Variants in DISC1 observed in about 807,000 individuals in gnomAD.
The protein encoded by DISC1 is disrupted in schizophrenia 1 protein.
In DISC1, 57 loss-of-function variants were observed where a neutral mutation model predicts 84.5. That is an observed-to-expected ratio of 0.67 (90% CI 0.55 to 0.84). The LOEUF (loss-of-function observed/expected upper bound fraction) is 0.84. Among genes scored for constraint, DISC1 ranks in the 40% least tolerant of loss-of-function variants. The pLI is 0.00. For missense variants in DISC1, 1,000 were observed against 1,057.8 expected, an observed-to-expected ratio of 0.95 and a Z score of 0.76; for synonymous variants, 411 against 415.2, an observed-to-expected ratio of 0.99 and a Z score of 0.12.
intron 1 of DISC1, among the ~76,000 whole-genome samples, chr1:231,688,530 C>T (rs1249520251): frequency 6.6e-6 from 1 of 152,196 alleles, no homozygotes; most frequent in African/African-American, 2.4e-5. Context: ...ACCCTTCTTC[C>T]CTTTAATCCG....
intron 9 of DISC1, among the ~76,000 whole-genome samples, chr1:231,930,667 C>G (rs895963097): frequency 6.6e-6 from 1 of 152,088 alleles, no homozygotes; most frequent in African/African-American, 2.4e-5. Flanking sequence ...TTATCTATGA[C>G]TTCATATTCC....
chr1:231,791,466 A>G (rs2078347095), intron 6 of DISC1, among the ~76,000 whole-genome samples: 2 of 152,154 alleles, frequency 1.3e-5, no homozygotes, highest in East Asian at 3.8e-4. Context: ...TACTTCATAG[A>G]GTTATAATAA....
intron 7 of DISC1, among the ~76,000 whole-genome samples, chr1:231,799,199 T>C (rs762476467): frequency 6.6e-6 from 1 of 152,170 alleles, no homozygotes; most frequent in Non-Finnish European, 1.5e-5. Flanking sequence ...TGGAATGTCA[T>C]GGGAAAATAC....
intron 1 of DISC1, among the ~76,000 whole-genome samples, chr1:231,636,555 C>G (rs1402978270): frequency 2.0e-5 from 3 of 152,124 alleles, no homozygotes; most frequent in African/African-American, 7.2e-5. Flanking sequence ...TTTCTTGACT[C>G]TGATTTGGGA....
intron 10 of DISC1, among the ~76,000 whole-genome samples, chr1:231,975,276 T>C (rs960095480): frequency 6.6e-6 from 1 of 152,194 alleles, no homozygotes; most frequent in South Asian, 2.1e-4. Flanking sequence ...GATATCATTG[T>C]ACCCCAGTCA....
intron 5 of DISC1, among the ~76,000 whole-genome samples, chr1:231,769,689 A>G (rs1238359172): frequency 1.3e-5 from 2 of 152,202 alleles, no homozygotes; most frequent in African/African-American, 4.8e-5. Flanking sequence ...GATGGATGGC[A>G]GTGATGGTTG....
chr1:231,750,728 C>G (rs1316620230), intron 4 of DISC1: 3 of 269,914 alleles, frequency 1.1e-5, no homozygotes, highest in African/African-American at 2.3e-5. Flanking sequence ...CTTAAAAAGG[C>G]TGAGAACCAC....
chr1:231,724,290 G>A (rs905686642), intron 3 of DISC1, among the ~76,000 whole-genome samples: 1 of 152,176 alleles, frequency 6.6e-6, no homozygotes, highest in African/African-American at 2.4e-5. Flanking sequence ...AAACAGCGGG[G>A]CTCTAGAAGA....
chr1:232,041,219 T>C lies in DISC1; in HGVS notation c.*4388T>C, dbSNP rs1010081286. 4.6e-5 allele frequency: 7 copies of C among 152,230 alleles called. No homozygotes were observed. The highest frequency in any genetic ancestry group is 3.9e-4 in the Admixed American group (6 of 15,280). The allele number at this position is 152,230 out of a possible 1,614,324, so 9.4% of individuals were successfully genotyped here. A position where few individuals can be genotyped will look rare whatever the true frequency, so the allele number is the denominator to read the frequency against. On this transcript the variant is annotated 3_prime_UTR_variant, in exon 13 of 13. Transcript: ENST00000439617. ...ATCTCATCTTTCTGTTACAGGATGA[T>C]TAATTGTACAGTTACATCACACGAA... is the stretch of plus-strand genomic sequence containing the variant.
At chr1:231,920,240 G>T (rs2089913066) in intron 9 of DISC1, among the ~76,000 whole-genome samples, 1 of 152,172 alleles carries the variant, frequency 6.6e-6, no homozygotes, top group South Asian at 2.1e-4. Context: ...TGTTTTTATT[G>T]TGGTAAAATG....
intron 9 of DISC1, among the ~76,000 whole-genome samples, chr1:231,931,363 TG>T (rs2126105933): frequency 6.6e-6 from 1 of 152,354 alleles, no homozygotes; most frequent in South Asian, 2.1e-4. Flanking sequence ...CTTACTGTTC[TG>T]GTGCATTTGT....
At chr1:231,682,694 C>T (rs190472740) in intron 1 of DISC1, among the ~76,000 whole-genome samples, 131 of 152,294 alleles carry the variant, frequency 8.6e-4, no homozygotes, top group Non-Finnish European at 3.4e-4. Context: ...ATAGATTTAT[C>T]GCAAAGCTGC....
Position 231,863,140 on chromosome 1 carries a change from A to T in DISC1, c.1981+44623A>T, listed in dbSNP as rs146060521. On this transcript the variant is annotated intron_variant, in intron 9 of 12. Transcript: ENST00000439617. Reference sequence around the variant, plus strand: ...CACGTGCATAGTTTGTAATGCCTTCACAGGGTCTGCAGGCTCATTGCCATG... The same window carrying T: ...CACGTGCATAGTTTGTAATGCCTTCTCAGGGTCTGCAGGCTCATTGCCATG... Among the ~76,000 whole-genome samples the T allele has an allele frequency of 2.5e-3, 379 of 151,390 alleles. 1 individual carries two copies. Among genetic ancestry groups the T allele is most frequent in the Middle Eastern group, 6.8e-3 (2 of 294 alleles).
intron 6 of DISC1, among the ~76,000 whole-genome samples, chr1:231,780,252 G>GAAAAAAAAAAAAAAAAAAAAAAA (rs34768925): frequency 3.3e-5 from 4 of 120,236 alleles, no homozygotes; most frequent in Admixed American, 8.3e-5. Flanking sequence ...AAAAAAAAAA[G>GAAAAAAAAAAAAAAAAAAAAAAA]AAAAGGAAAG....
intron 9 of DISC1, among the ~76,000 whole-genome samples, chr1:231,907,883 G>A (rs1470422587): frequency 1.3e-5 from 2 of 152,186 alleles, no homozygotes; most frequent in Non-Finnish European, 2.9e-5. Context: ...GGTATGAGAT[G>A]GTATCTCATT....
At chr1:232,022,086 T>C (rs1302731200) in intron 11 of DISC1, among the ~76,000 whole-genome samples, 1 of 152,166 alleles carries the variant, frequency 6.6e-6, no homozygotes, top group African/African-American at 2.4e-5. Context: ...GTTCCATACA[T>C]TGAAGGAATT....
At chr1:231,964,466 A>G (rs1464748835) in intron 10 of DISC1, among the ~76,000 whole-genome samples, 1 of 152,134 alleles carries the variant, frequency 6.6e-6, no homozygotes, top group African/African-American at 2.4e-5. Flanking sequence ...TGCTATTTCA[A>G]GCTATTATGA....
chr1:231,700,976 T>G (rs1258929082), intron 2 of DISC1, among the ~76,000 whole-genome samples: 1 of 152,184 alleles, frequency 6.6e-6, no homozygotes, highest in Non-Finnish European at 1.5e-5. Context: ...CAGTAAATCT[T>G]TGGGTCTCCT....
intron 9 of DISC1, among the ~76,000 whole-genome samples, chr1:231,899,898 A>C (rs540886912): frequency 4.9e-4 from 75 of 152,292 alleles, no homozygotes; most frequent in African/African-American, 1.7e-3. Context: ...CTGCTTCCCA[A>C]AATAGACACA....
Sources: allele counts gnomAD v4.1 joint callset (sites outside exome capture counted in the v4.1 genomes callset), GRCh38; gene constraint gnomAD v4.1.1; transcripts MANE v1.5; gene names NCBI Gene and HGNC (gene_info 2026-07-23, HGNC 2026-07-21).